The following GPAT3 variants were observed in gnomAD, a reference collection of about 807,000 sequenced individuals.
GPAT3 encodes 1-AGP acyltransferase 9.
GPAT3 carries 53 observed loss-of-function variants against 58.8 expected under a neutral mutation model. That is an observed-to-expected ratio of 0.90 (90% CI 0.72 to 1.13). GPAT3 has a LOEUF of 1.13. Ranked by LOEUF, GPAT3 falls within the 50% of genes most tolerant of loss-of-function variation. The pLI is 0.00. For synonymous variants in GPAT3, 197 were observed against 187.4 expected, an observed-to-expected ratio of 1.05 and a Z score of -0.42; for missense variants, 511 against 527.6, an observed-to-expected ratio of 0.97 and a Z score of 0.31.
intron 2 of GPAT3, among the ~76,000 whole-genome samples, chr4:83,551,813 A>T (rs867373996): frequency 9.8e-6 from 1 of 102,400 alleles, no homozygotes; most frequent in Non-Finnish European, 1.8e-5. Flanking sequence ...AAAAAAAAAA[A>T]ATCTATCTAT....
intron 2 of GPAT3, among the ~76,000 whole-genome samples, chr4:83,579,033 T>TCC (rs1560620953): frequency 2.3e-3 from 54 of 23,514 alleles, no homozygotes; most frequent in Non-Finnish European, 3.1e-3. Context: ...TTTCTTTCTT[T>TCC]CTTTCTTTCT....
chr4:83,544,693 G>C, intron 2 of GPAT3, 91 bp downstream of exon 2: 1 of 1,237,124 alleles, frequency 8.1e-7, no homozygotes, highest in Non-Finnish European at 1.2e-6. Context: ...GCAGAGAGCA[G>C]TGTGTTCTAT....
chr4:83,566,761 T>C (rs1283983541), intron 2 of GPAT3, among the ~76,000 whole-genome samples: 1 of 151,762 alleles, frequency 6.6e-6, no homozygotes, highest in African/African-American at 2.4e-5. Context: ...TGTTTAGATT[T>C]TCTTTTTTTT....
chr4:83,579,434 A>C (rs999706787), intron 2 of GPAT3, among the ~76,000 whole-genome samples: 2 of 151,540 alleles, frequency 1.3e-5, no homozygotes, highest in African/African-American at 4.9e-5. Context: ...CTGGGACTAC[A>C]GGCACATGCC....
intron 2 of GPAT3, among the ~76,000 whole-genome samples, chr4:83,568,268 G>C (rs1472858750): frequency 6.6e-6 from 1 of 152,006 alleles, no homozygotes; most frequent in East Asian, 1.9e-4. Flanking sequence ...TTTTAAAATA[G>C]GCAATTGTGA....
intron 2 of GPAT3, among the ~76,000 whole-genome samples, chr4:83,578,089 C>T (rs1363969814): frequency 6.6e-6 from 1 of 152,154 alleles, no homozygotes; most frequent in Admixed American, 6.5e-5. Context: ...GTGTGAGCCA[C>T]CATACCTGGC....
intron 2 of GPAT3, among the ~76,000 whole-genome samples, chr4:83,560,743 G>C (rs1560609844): frequency 6.6e-6 from 1 of 152,182 alleles, no homozygotes; most frequent in Non-Finnish European, 1.5e-5. Flanking sequence ...CTTATGAATG[G>C]TTCAGCACCA....
chr4:83,599,194 T>C (rs187870298), intron 11 of GPAT3, among the ~76,000 whole-genome samples: 1 of 152,212 alleles, frequency 6.6e-6, no homozygotes, highest in Non-Finnish European at 1.5e-5. Context: ...ATGGCTTAAG[T>C]AAGATAGAAG....
intron 1 of GPAT3, among the ~76,000 whole-genome samples, chr4:83,537,625 G>GTGTATATATA (rs138199995): frequency 2.1e-4 from 31 of 147,580 alleles, no homozygotes; most frequent in African/African-American, 7.9e-4. Context: ...GTGTGTGTGT[G>GTGTATATATA]TATATTTAAC....
intron 2 of GPAT3, 160 bp downstream of exon 2, chr4:83,544,762 G>A (rs1464682799): frequency 5.9e-6 from 4 of 679,938 alleles, no homozygotes; most frequent in East Asian, 2.7e-5. Flanking sequence ...GAGTTTTCAT[G>A]GACTTTTTAT....
intron 2 of GPAT3, among the ~76,000 whole-genome samples, chr4:83,567,168 G>A (rs921067605): frequency 6.6e-6 from 1 of 151,938 alleles, no homozygotes. Context: ...TTGTCTGGTT[G>A]TGCTGGCTGA....
chr4:83,596,397 G>T (rs547613423), intron 7 of GPAT3, among the ~76,000 whole-genome samples: 22 of 152,272 alleles, frequency 1.4e-4, no homozygotes, highest in South Asian at 6.2e-4. Context: ...GAGGCGGGTG[G>T]ATCGCTTGAG....
In GPAT3 at chr4:83,580,572, C is replaced by T. The variant is rs566396441; in HGVS notation, c.209-990C>T. Among the ~76,000 whole-genome samples the T allele has an allele frequency of 9.2e-5, 14 of 152,242 alleles. No individual in the cohort carries two copies. In the East Asian group the frequency reaches 2.5e-3, roughly 27 times the overall value. ...TGCCAAACCAACTTTGACAAAGTTG[C>T]TACTACTTCCGTACTTGTACAAGTT... On this transcript the variant is annotated intron_variant, in intron 2 of 11. Transcript: ENST00000264409.
At chr4:83,582,656 G>A (rs572078662) in intron 3 of GPAT3, among the ~76,000 whole-genome samples, 3 of 152,160 alleles carry the variant, frequency 2.0e-5, no homozygotes, top group Admixed American at 2.0e-4. Flanking sequence ...CTTGGCACAT[G>A]AATTGAAATC....
chr4:83,602,729 T>C (rs1271179206), intron 11 of GPAT3, among the ~76,000 whole-genome samples: 1 of 152,190 alleles, frequency 6.6e-6, no homozygotes, highest in Non-Finnish European at 1.5e-5. Flanking sequence ...TTTTTGCCTG[T>C]TTTGGGCTTG....
At chr4:83,573,529 C>T (rs1456202528) in intron 2 of GPAT3, among the ~76,000 whole-genome samples, 129 of 152,148 alleles carry the variant, frequency 8.5e-4, no homozygotes, top group Admixed American at 8.3e-3. Context: ...TTCTTTAATC[C>T]CAGTAATACT....
chr4:83,579,072 TTCTTTCTTC>T (rs1560621340), intron 2 of GPAT3, among the ~76,000 whole-genome samples: 454 of 35,128 alleles, frequency 0.013, 30 homozygotes, highest in Non-Finnish European at 0.017. Context: ...CTTTCTTTCT[TTCTTTCTTC>T]CCTTCCTTCC....
intron 2 of GPAT3, among the ~76,000 whole-genome samples, chr4:83,547,333 A>G (rs181277523): frequency 1.4e-3 from 204 of 146,266 alleles, no homozygotes; most frequent in African/African-American, 5.1e-3. Flanking sequence ...GCTCACTGCA[A>G]GCTCCGCCTC....
intron 3 of GPAT3, among the ~76,000 whole-genome samples, chr4:83,583,293 C>CAAA (rs1004971683): frequency 2.2e-5 from 3 of 137,974 alleles, no homozygotes; most frequent in African/African-American, 8.0e-5. Context: ...ACTGCGTATC[C>CAAA]AAAAAAAAAA....
Sources: gnomAD v4.1 joint callset for allele counts (sites outside exome capture counted in the v4.1 genomes callset) on GRCh38, gnomAD v4.1.1 for gene constraint, MANE v1.5 for transcripts, NCBI Gene and HGNC (gene_info 2026-07-23, HGNC 2026-07-21) for gene names.